Variants in DHRSX observed in about 807,000 individuals in gnomAD.
The protein encoded by DHRSX is polyprenol dehydrogenase.
Under a neutral mutation model 34.0 loss-of-function variants are expected in DHRSX, and 31 were observed. That is an observed-to-expected ratio of 0.91 (90% CI 0.69 to 1.23). The LOEUF (loss-of-function observed/expected upper bound fraction) is 1.23. Among genes scored for constraint, DHRSX ranks in the 50% most tolerant of loss-of-function variants. DHRSX has a pLI of 0.00. For synonymous variants in DHRSX, 201 were observed against 183.8 expected (o/e 1.09, Z -0.76); for missense variants, 414 against 428.1 (o/e 0.97, Z 0.29).
At chrX:2,471,828 A>G (rs779314615) in intron 1 of DHRSX, among the ~76,000 whole-genome samples, 13 of 152,254 alleles carry the variant, frequency 8.5e-5, no homozygotes, top group African/African-American at 2.6e-4. Context: ...CATATACACT[A>G]TGGAATACTA....
intron 1 of DHRSX, among the ~76,000 whole-genome samples, chrX:2,428,542 T>C (rs1279761844): frequency 6.6e-6 from 1 of 152,090 alleles, no homozygotes; most frequent in East Asian, 1.9e-4. Context: ...ACACCACATG[T>C]TCTCACTCAC....
At chrX:2,353,896 C>A (rs2124578152) in intron 3 of DHRSX, among the ~76,000 whole-genome samples, 1 of 152,096 alleles carries the variant, frequency 6.6e-6, no homozygotes, top group Admixed American at 6.6e-5. Flanking sequence ...TAAGGGCCAG[C>A]AAATTATATG....
chrX:2,344,006 T>C (rs909099579), intron 3 of DHRSX, among the ~76,000 whole-genome samples: 2 of 152,098 alleles, frequency 1.3e-5, no homozygotes, highest in African/African-American at 4.8e-5. Flanking sequence ...AATTGCCTCC[T>C]TGAAAACTCC....
rs142379246 is a variant in DHRSX, at chrX:2,321,813, G to A, written c.287-30210C>T. On this transcript the variant is annotated intron_variant, in intron 3 of 6. Coordinates refer to ENST00000334651, the MANE Select transcript of DHRSX (RefSeq NM_145177.3). Reference sequence around the variant, plus strand: ...TTTCTTCTACCTCTGCCACCCCGGAGCCAGCAAGACCAATCCCTCCTGTCC... The same window carrying A: ...TTTCTTCTACCTCTGCCACCCCGGAACCAGCAAGACCAATCCCTCCTGTCC... 6.6e-3 allele frequency among the ~76,000 whole-genome samples: 1,004 copies of A among 152,136 alleles called. 14 individuals carry two copies. The highest frequency in any genetic ancestry group is 0.031 in the Middle Eastern group (9 of 294).
chrX:2,416,679 C>T (rs2043698013), intron 2 of DHRSX, among the ~76,000 whole-genome samples: 1 of 151,956 alleles, frequency 6.6e-6, no homozygotes, highest in East Asian at 1.9e-4. Flanking sequence ...GTCCATTGAG[C>T]ATTATGAAAA....
At chrX:2,469,738 A>G (rs930933261) in intron 1 of DHRSX, among the ~76,000 whole-genome samples, 14 of 147,304 alleles carry the variant, frequency 9.5e-5, no homozygotes, top group African/African-American at 2.8e-4. Context: ...CTAAGCATAT[A>G]GCCAAGGGAC....
chrX:2,264,252 C>T (rs1313418381), intron 5 of DHRSX, among the ~76,000 whole-genome samples: 6 of 152,004 alleles, frequency 3.9e-5, no homozygotes, highest in African/African-American at 1.5e-4. Context: ...CCCAGAGCAC[C>T]GCTACCCAGC....
At chrX:2,232,591 A>T (rs1237046670) in intron 6 of DHRSX, among the ~76,000 whole-genome samples, 1 of 151,210 alleles carries the variant, frequency 6.6e-6, no homozygotes, top group African/African-American at 2.4e-5. Context: ...ATTTTTTATT[A>T]TTTATTTATT....
At chrX:2,259,704 A>G (rs1410076766) in intron 5 of DHRSX, among the ~76,000 whole-genome samples, 1 of 151,684 alleles carries the variant, frequency 6.6e-6, no homozygotes, top group Non-Finnish European at 1.5e-5. Flanking sequence ...TAGGGCAGGA[A>G]CCCTTCCTGC....
At chrX:2,237,746 C>T (rs1404231387) in intron 6 of DHRSX, among the ~76,000 whole-genome samples, 1 of 152,050 alleles carries the variant, frequency 6.6e-6, no homozygotes, top group Non-Finnish European at 1.5e-5. Flanking sequence ...CTCACATGAT[C>T]CTCCCCCTCA....
intron 3 of DHRSX, among the ~76,000 whole-genome samples, chrX:2,360,818 G>A (rs1226912718): frequency 6.6e-6 from 1 of 151,964 alleles, no homozygotes; most frequent in Non-Finnish European, 1.5e-5. Context: ...TTCCTGGAAT[G>A]GCAAGAACTT....
chrX:2,272,032 C>T lies in DHRSX; in HGVS notation c.389-5085G>A, dbSNP rs186573051. Among the ~76,000 whole-genome samples the T allele has an allele frequency of 4.2e-3, 634 of 151,864 alleles. 8 individuals carry two copies. The highest frequency in any genetic ancestry group is 0.014 in the African/African-American group (590 of 41,410). The stretch of plus-strand genomic sequence containing the variant: ...CTCCAGCCTGGGCGAAAGAGTGAGA[C>T]AAAACGAAACAAAAAAACATACCTG... On this transcript the variant is annotated intron_variant, in intron 4 of 6. Coordinates refer to ENST00000334651, the MANE Select transcript of DHRSX (RefSeq NM_145177.3).
intron 1 of DHRSX, among the ~76,000 whole-genome samples, chrX:2,431,266 A>C (rs2043917708): frequency 1.3e-5 from 2 of 149,700 alleles, no homozygotes; most frequent in African/African-American, 4.9e-5. Context: ...TAGAGCTTGC[A>C]GTGAGCCGAG....
intron 3 of DHRSX, among the ~76,000 whole-genome samples, chrX:2,347,118 G>C (rs867444749): frequency 2.0e-5 from 3 of 152,164 alleles, no homozygotes; most frequent in Non-Finnish European, 2.9e-5. Flanking sequence ...TGTAGATAAA[G>C]ACATATCTGA....
intron 3 of DHRSX, among the ~76,000 whole-genome samples, chrX:2,305,087 G>A (rs978871905): frequency 1.3e-5 from 2 of 151,892 alleles, no homozygotes; most frequent in African/African-American, 2.4e-5. Context: ...CATTATTCTT[G>A]GCAAACTAAT....
chrX:2,350,901 T>TA (rs1209055293), intron 3 of DHRSX, among the ~76,000 whole-genome samples: 4 of 152,038 alleles, frequency 2.6e-5, no homozygotes, highest in African/African-American at 9.7e-5. Context: ...TATGCAGCCA[T>TA]AAAAAAGGAT....
chrX:2,489,182 T>C (rs1202108499), intron 1 of DHRSX: 4 of 1,613,462 alleles, frequency 2.5e-6, no homozygotes, highest in Non-Finnish European at 3.4e-6. Context: ...AGCCGGCCGG[T>C]AGCCGCCGTC....
chrX:2,270,994 C>CG (rs2041545636), intron 4 of DHRSX, among the ~76,000 whole-genome samples: 2 of 145,468 alleles, frequency 1.4e-5, no homozygotes, highest in South Asian at 4.3e-4. Flanking sequence ...AGGATGTGGG[C>CG]GGGGCCAAAT....
intron 4 of DHRSX, among the ~76,000 whole-genome samples, chrX:2,275,033 G>T (rs1386396442): frequency 6.6e-6 from 1 of 152,076 alleles, no homozygotes; most frequent in Non-Finnish European, 1.5e-5. Context: ...ACGGAAGTCC[G>T]AAATGCAGAA....
Sources: allele counts gnomAD v4.1 joint callset (sites outside exome capture counted in the v4.1 genomes callset), GRCh38; gene constraint gnomAD v4.1.1; transcripts MANE v1.5; gene names NCBI Gene and HGNC (gene_info 2026-07-23, HGNC 2026-07-21).